Variants in DDHD1 observed in about 807,000 individuals in gnomAD.
The protein encoded by DDHD1 is DDHD domain containing 1.
DDHD1 carries 49 observed loss-of-function variants against 96.4 expected under a neutral mutation model. The ratio of observed to expected loss-of-function variants is 0.51; its 90% CI spans 0.40 to 0.64. The LOEUF is 0.64. Ranked by LOEUF, DDHD1 falls within the 30% of genes least tolerant of loss-of-function variation. The pLI, the probability that DDHD1 is intolerant of heterozygous loss-of-function variation, is 0.00. For synonymous variants in DDHD1, 442 were observed against 446.5 expected, an observed-to-expected ratio of 0.99 and a Z score of 0.13; for missense variants, 1,106 against 1,161.2, an observed-to-expected ratio of 0.95 and a Z score of 0.69.
At chr14:53,104,252 T>C (rs1034503435) in intron 1 of DDHD1, among the ~76,000 whole-genome samples, 1 of 152,166 alleles carries the variant, frequency 6.6e-6, no homozygotes, top group African/African-American at 2.4e-5. Context: ...CCATTTAAAG[T>C]TGTAAAATCC....
intron 8 of DDHD1, 122 bp downstream of exon 8, chr14:53,061,004 G>T: frequency 1.1e-6 from 1 of 942,058 alleles, no homozygotes; most frequent in South Asian, 1.6e-5. Context: ...TATAGTATAT[G>T]TTGAATAAAT....
intron 12 of DDHD1, among the ~76,000 whole-genome samples, chr14:53,048,199 C>G (rs918223328): frequency 1.4e-4 from 21 of 152,140 alleles, no homozygotes; most frequent in African/African-American, 5.1e-4. Flanking sequence ...TTAAACTATG[C>G]TCTTCTTACA....
intron 4 of DDHD1, among the ~76,000 whole-genome samples, chr14:53,085,428 G>C (rs1355836354): frequency 6.6e-6 from 1 of 152,178 alleles, no homozygotes; most frequent in African/African-American, 2.4e-5. Context: ...GCTTCCAGAG[G>C]AATGATCAGA....
intron 4 of DDHD1, among the ~76,000 whole-genome samples, chr14:53,081,382 T>C (rs577800142): frequency 1.3e-5 from 2 of 152,354 alleles, no homozygotes; most frequent in East Asian, 3.9e-4. Flanking sequence ...GATGGCTGTG[T>C]AGTTCTTATG....
chr14:53,102,584 T>C (rs950704584), intron 2 of DDHD1, among the ~76,000 whole-genome samples: 5 of 152,038 alleles, frequency 3.3e-5, no homozygotes, highest in Non-Finnish European at 1.5e-5. Flanking sequence ...TAGATGCAAA[T>C]GATATTTTAA....
intron 4 of DDHD1, among the ~76,000 whole-genome samples, chr14:53,082,779 A>G (rs1595141675): frequency 6.6e-6 from 1 of 151,048 alleles, no homozygotes; most frequent in Non-Finnish European, 1.5e-5. Flanking sequence ...AAAAAAAGAC[A>G]TGGGGTCTTG....
chr14:53,039,893 T>C lies in DDHD1; in HGVS notation c.*6875A>G, dbSNP rs1881530559. 1 of 152,330 alleles carries C rather than the reference T, an allele frequency of 6.6e-6. No individual in the cohort carries two copies. Among genetic ancestry groups the C allele is most frequent in the African/African-American group, 2.4e-5 (1 of 41,440 alleles). The allele number at this position is 152,330 out of a possible 1,614,324, so 9.4% of individuals were successfully genotyped here. ...TGTCATGACCATGCACCAATCTCTT[T>C]CCTTTCACACATTTACCTTTTCTTT... is the stretch of plus-strand genomic sequence containing the variant. On this transcript the variant is annotated 3_prime_UTR_variant, in exon 13 of 13. Coordinates refer to ENST00000673822, the MANE Select transcript of DDHD1 (RefSeq NM_001160148.2).
intron 4 of DDHD1, among the ~76,000 whole-genome samples, chr14:53,090,879 A>T (rs1047148669): frequency 2.6e-5 from 4 of 152,200 alleles, no homozygotes; most frequent in Non-Finnish European, 5.9e-5. Context: ...AATAAAAAAA[A>T]AAAAGTTGAA....
At chr14:53,146,989 G>A (rs180676332) in intron 1 of DDHD1, among the ~76,000 whole-genome samples, 49 of 145,734 alleles carry the variant, frequency 3.4e-4, no homozygotes, top group East Asian at 2.0e-3. Flanking sequence ...CTACACTCAC[G>A]AAAAAACAAA....
chr14:53,061,054 A>G, intron 8 of DDHD1, 72 bp downstream of exon 8: 1 of 1,299,120 alleles, frequency 7.7e-7, no homozygotes, highest in Non-Finnish European at 1.1e-6. Context: ...TTTGAATCCT[A>G]AAGGCATATT....
At chr14:53,047,035 T>A in intron 12 of DDHD1, 86 bp from the exon 13 acceptor site, 1 of 1,098,312 alleles carries the variant, frequency 9.1e-7, no homozygotes, top group Non-Finnish European at 1.2e-6. Flanking sequence ...GAGTAAAAAT[T>A]TAGCTAAATA....
intron 4 of DDHD1, among the ~76,000 whole-genome samples, chr14:53,080,721 T>TTA (rs1885395709): frequency 1.6e-4 from 6 of 37,550 alleles, no homozygotes; most frequent in African/African-American, 6.1e-4. Flanking sequence ...TTCCCCCTTT[T>TTA]TTTTTTTTTT....
At position 53,045,495 on chromosome 14, in the gene DDHD1, A is replaced by T. The variant is rs1881946354; in HGVS notation, c.*1273T>A. On this transcript the variant is annotated 3_prime_UTR_variant, in exon 13 of 13. Coordinates refer to ENST00000673822, the MANE Select transcript of DDHD1 (RefSeq NM_001160148.2). Reference sequence around the variant, plus strand: ...CATCTTGGCCTCCCGAAGTGTTGGGATTACAGGCGTGAACCACGGTGACTA... The same window carrying T: ...CATCTTGGCCTCCCGAAGTGTTGGGTTTACAGGCGTGAACCACGGTGACTA... 2 of 152,274 alleles carry T rather than the reference A, an allele frequency of 1.3e-5. No homozygotes were observed. The highest frequency in any genetic ancestry group is 2.9e-5 in the Non-Finnish European group (2 of 68,078). 9.4% of individuals were successfully genotyped at this position (152,274 alleles called of 1,614,324 possible).
intron 4 of DDHD1, among the ~76,000 whole-genome samples, chr14:53,084,034 T>C (rs952927537): frequency 1.3e-5 from 2 of 152,194 alleles, no homozygotes; most frequent in African/African-American, 4.8e-5. Flanking sequence ...GATTCTAGGT[T>C]GGGAATATGA....
At chr14:53,142,034 A>G (rs1294900325) in intron 1 of DDHD1, among the ~76,000 whole-genome samples, 1 of 152,190 alleles carries the variant, frequency 6.6e-6, no homozygotes, top group East Asian at 1.9e-4. Flanking sequence ...CATTCTGCAT[A>G]TATGTACTTC....
intron 2 of DDHD1, chr14:53,096,030 A>G: frequency 4.5e-6 from 3 of 672,636 alleles, no homozygotes; most frequent in Non-Finnish European, 5.5e-6. Flanking sequence ...TTTAAAAAAA[A>G]CTAATAATTT....
At chr14:53,136,317 G>A (rs528339245) in intron 1 of DDHD1, among the ~76,000 whole-genome samples, 4 of 152,196 alleles carry the variant, frequency 2.6e-5, no homozygotes, top group African/African-American at 7.2e-5. Flanking sequence ...TCACACGGAC[G>A]CATGAGACAG....
chr14:53,061,063 T>C, intron 8 of DDHD1, 63 bp downstream of exon 8: 1 of 1,415,654 alleles, frequency 7.1e-7, no homozygotes, highest in Non-Finnish European at 9.8e-7. Context: ...TAAAGGCATA[T>C]TTCACATGAC....
At chr14:53,146,249 AT>A (rs1321115495) in intron 1 of DDHD1, among the ~76,000 whole-genome samples, 1 of 152,044 alleles carries the variant, frequency 6.6e-6, no homozygotes, top group East Asian at 1.9e-4. Flanking sequence ...TACACCTGTA[AT>A]CCCAGCACTT....
Sources: gnomAD v4.1 joint callset for allele counts (sites outside exome capture counted in the v4.1 genomes callset) on GRCh38, gnomAD v4.1.1 for gene constraint, MANE v1.5 for transcripts, NCBI Gene and HGNC (gene_info 2026-07-23, HGNC 2026-07-21) for gene names.